SLC14A2: variants seen among roughly 807,000 people sequenced by gnomAD.
The protein encoded by SLC14A2 is solute carrier family 14 member 2.
In SLC14A2, 91 loss-of-function variants were observed where a neutral mutation model predicts 104.6. The ratio of observed to expected loss-of-function variants is 0.87; its 90% CI spans 0.73 to 1.04. The LOEUF (loss-of-function observed/expected upper bound fraction) is 1.04. Ranked by LOEUF, SLC14A2 falls within the 50% of genes least tolerant of loss-of-function variation. The pLI, the probability that SLC14A2 is intolerant of heterozygous loss-of-function variation, is 0.00. For missense variants in SLC14A2, 1,189 were observed against 1,156.0 expected, an observed-to-expected ratio of 1.03 and a Z score of -0.41; for synonymous variants, 476 against 466.4, an observed-to-expected ratio of 1.02 and a Z score of -0.27.
intron 1 of SLC14A2, among the ~76,000 whole-genome samples, chr18:45,241,980 A>C (rs1252412807): frequency 6.6e-6 from 1 of 151,942 alleles, no homozygotes; most frequent in Non-Finnish European, 1.5e-5. Flanking sequence ...CCCCATCAGC[A>C]CCTTCTCCCA....
At chr18:45,255,226 C>G (rs898861037) in intron 1 of SLC14A2, among the ~76,000 whole-genome samples, 1 of 152,182 alleles carries the variant, frequency 6.6e-6, no homozygotes, top group African/African-American at 2.4e-5. Flanking sequence ...CAGGGGCTTG[C>G]TGTAGCACCC....
intron 1 of SLC14A2, among the ~76,000 whole-genome samples, chr18:45,470,333 A>G (rs1483730222): frequency 6.6e-6 from 1 of 152,110 alleles, no homozygotes; most frequent in Non-Finnish European, 1.5e-5. Context: ...TCAACTTTCC[A>G]GTCACTTTAT....
chr18:45,390,893 C>T (rs545954398), intron 1 of SLC14A2, among the ~76,000 whole-genome samples: 5 of 152,248 alleles, frequency 3.3e-5, no homozygotes, highest in Admixed American at 1.3e-4. Flanking sequence ...TATTTTAATA[C>T]AGACACATCA....
the SLC14A2 span, among the ~76,000 whole-genome samples, chr18:45,181,798 A>G: frequency 7.0e-6 from 1 of 142,012 alleles, no homozygotes; most frequent in East Asian, 1.9e-4. Context: ...ACAGAAAAAC[A>G]GTTTACTTTA....
At chr18:45,468,150 A>T (rs1246196738) in intron 1 of SLC14A2, among the ~76,000 whole-genome samples, 1 of 152,120 alleles carries the variant, frequency 6.6e-6, no homozygotes, top group Non-Finnish European at 1.5e-5. Context: ...CGAGCTAAGA[A>T]ACAAGAACAA....
chr18:45,357,391 A>G (rs1309664720), intron 1 of SLC14A2, among the ~76,000 whole-genome samples: 1 of 151,792 alleles, frequency 6.6e-6, no homozygotes, highest in Non-Finnish European at 1.5e-5. Flanking sequence ...GCAGGAGGAT[A>G]CTTGAGCCCA....
intron 2 of SLC14A2, among the ~76,000 whole-genome samples, chr18:45,512,098 C>T (rs1287159170): frequency 6.6e-6 from 1 of 152,130 alleles, no homozygotes; most frequent in Non-Finnish European, 1.5e-5. Flanking sequence ...AATAAAGATG[C>T]TATATGGGTA....
intron 1 of SLC14A2, among the ~76,000 whole-genome samples, chr18:45,279,510 T>C (rs541941120): frequency 1.3e-5 from 2 of 152,266 alleles, no homozygotes; most frequent in East Asian, 3.9e-4. Context: ...GTGGTTTCCA[T>C]GTGATCATCT....
At chr18:45,514,306 G>A (rs1306146299) in intron 2 of SLC14A2, among the ~76,000 whole-genome samples, 2 of 152,182 alleles carry the variant, frequency 1.3e-5, no homozygotes, top group Non-Finnish European at 2.9e-5. Flanking sequence ...GAGAGAGATA[G>A]CATGCAAAGG....
At chr18:45,199,651 T>G in the SLC14A2 span, among the ~76,000 whole-genome samples, 1 of 152,188 alleles carries the variant, frequency 6.6e-6, no homozygotes, top group Non-Finnish European at 1.5e-5. Flanking sequence ...CACTCTTCTC[T>G]TAGGAAGTTT....
intron 1 of SLC14A2, among the ~76,000 whole-genome samples, chr18:45,358,807 C>T (rs2085581257): frequency 1.3e-5 from 2 of 152,190 alleles, no homozygotes; most frequent in South Asian, 4.2e-4. Flanking sequence ...AATTCCTGAC[C>T]TCAAACAGTC....
chr18:45,560,829 G>T (rs2044191232), intron 2 of SLC14A2, among the ~76,000 whole-genome samples: 3 of 151,984 alleles, frequency 2.0e-5, no homozygotes, highest in Non-Finnish European at 4.4e-5. Flanking sequence ...CTCCAGGAAG[G>T]GTCCCTTTTA....
chr18:45,201,039 T>G, the SLC14A2 span, among the ~76,000 whole-genome samples: 1 of 152,150 alleles, frequency 6.6e-6, no homozygotes, highest in East Asian at 1.9e-4. Context: ...TTGATGACCA[T>G]GACCGTAACA....
At chr18:45,671,680 A>C (rs2046140208) in intron 16 of SLC14A2, among the ~76,000 whole-genome samples, 1 of 151,772 alleles carries the variant, frequency 6.6e-6, no homozygotes, top group Non-Finnish European at 1.5e-5. Context: ...AGCCTAACCC[A>C]CTCAGCCTGT....
At chr18:45,403,044 A>G (rs1328688359) in intron 1 of SLC14A2, among the ~76,000 whole-genome samples, 1 of 152,222 alleles carries the variant, frequency 6.6e-6, no homozygotes, top group Non-Finnish European at 1.5e-5. Context: ...GGTGGCTTAA[A>G]CAACAAAATT....
chr18:45,229,354 T>C (rs1470820644), intron 1 of SLC14A2, among the ~76,000 whole-genome samples: 1 of 152,120 alleles, frequency 6.6e-6, no homozygotes, highest in African/African-American at 2.4e-5. Context: ...AAGTAGATAA[T>C]AGATATAGAT....
intron 2 of SLC14A2, among the ~76,000 whole-genome samples, chr18:45,521,787 GC>G (rs1379745879): frequency 6.6e-6 from 1 of 152,018 alleles, no homozygotes; most frequent in Non-Finnish European, 1.5e-5. Context: ...TCTGGAGCTG[GC>G]CCTCATAAAT....
chr18:45,265,859 G>A (rs2084587150), intron 1 of SLC14A2, among the ~76,000 whole-genome samples: 1 of 152,170 alleles, frequency 6.6e-6, no homozygotes. Flanking sequence ...AGCACCTAAT[G>A]TGTGCTGGGT....
intron 2 of SLC14A2, among the ~76,000 whole-genome samples, chr18:45,593,464 G>T: frequency 6.7e-6 from 1 of 148,612 alleles, no homozygotes; most frequent in South Asian, 2.1e-4. Flanking sequence ...TCTGAGATAT[G>T]ATAACTAAGC....
Sources: gnomAD v4.1 joint callset for allele counts (sites outside exome capture counted in the v4.1 genomes callset) on GRCh38, gnomAD v4.1.1 for gene constraint, MANE v1.5 for transcripts, NCBI Gene and HGNC (gene_info 2026-07-23, HGNC 2026-07-21) for gene names.